Variants in POLR1E observed in about 807,000 individuals in gnomAD.
POLR1E encodes the protein RNA polymerase I subunit E, also known as DNA-directed RNA polymerase I subunit RPA49.
In POLR1E, 37 loss-of-function variants were observed where a neutral mutation model predicts 50.9. The observed-to-expected ratio is 0.73, with a 90% CI of 0.56 to 0.96. The LOEUF is 0.96. Ranked by LOEUF, POLR1E falls within the 40% of genes least tolerant of loss-of-function variation. POLR1E has a pLI of 0.00. For missense variants in POLR1E, 426 were observed against 518.1 expected, an observed-to-expected ratio of 0.82 and a Z score of 1.73; for synonymous variants, 166 against 191.6, an observed-to-expected ratio of 0.87 and a Z score of 1.10.
intron 11 of POLR1E, 24 bp from the exon 12 acceptor site, chr9:37,503,019 T>C (rs1241201950): frequency 1.3e-6 from 2 of 1,598,008 alleles, no homozygotes; most frequent in Non-Finnish European, 1.7e-6. Context: ...GTCTCTCCAG[T>C]TCTTCTGTTT....
At chr9:37,502,421 C>T (rs1274852139) in intron 11 of POLR1E, among the ~76,000 whole-genome samples, 2 of 152,232 alleles carry the variant, frequency 1.3e-5, no homozygotes, top group Non-Finnish European at 2.9e-5. Flanking sequence ...TCTGACCCAA[C>T]TGGGAGAGCT....
intron 9 of POLR1E, 74 bp from the exon 10 acceptor site, chr9:37,500,766 T>G: frequency 7.8e-7 from 1 of 1,280,566 alleles, no homozygotes; most frequent in Non-Finnish European, 1.1e-6. Flanking sequence ...TGTTGGCCTT[T>G]TCTCTTAGCT....
chr9:37,503,527 AT>A lies in POLR1E; in HGVS notation c.*326del. The A allele has an allele frequency of 5.2e-6, 1 of 193,676 alleles. No homozygotes were observed. The highest frequency in any genetic ancestry group is 1.1e-5 in the Non-Finnish European group (1 of 94,290). 12.0% of individuals were successfully genotyped at this position (193,676 alleles called of 1,614,324 possible). A position where few individuals can be genotyped will look rare whatever the true frequency, so the allele number is the denominator to read the frequency against. On this transcript the variant is annotated 3_prime_UTR_variant, in exon 12 of 12. Coordinates refer to ENST00000377798, the MANE Select transcript of POLR1E (RefSeq NM_022490.4). ...TGGGAAATCAAGGTTGCAGTGAGCT[AT>A]GATTGTGTGGCCACACTCCATCCTG...
At chr9:37,502,603 CCT>C (rs1820910149) in intron 11 of POLR1E, among the ~76,000 whole-genome samples, 2 of 152,314 alleles carry the variant, frequency 1.3e-5, no homozygotes, top group South Asian at 4.1e-4. Context: ...TGTGAACACA[CCT>C]CTGTCTGGAC....
intron 6 of POLR1E, among the ~76,000 whole-genome samples, 179 bp from the exon 7 acceptor site, chr9:37,494,990 A>G (rs529804785): frequency 6.6e-6 from 1 of 152,274 alleles, no homozygotes; most frequent in Non-Finnish European, 1.5e-5. Context: ...GTGTTTGTTC[A>G]TGAGTGAACA....
intron 3 of POLR1E, 33 bp from the exon 4 acceptor site, chr9:37,489,282 C>A (rs760476055): frequency 6.9e-7 from 1 of 1,446,966 alleles, no homozygotes; most frequent in Non-Finnish European, 9.5e-7. Flanking sequence ...TTGAATAATC[C>A]ATTGTTATTT....
chr9:37,488,054 A>G, intron 3 of POLR1E, 115 bp downstream of exon 3: 1 of 978,778 alleles, frequency 1.0e-6, no homozygotes, highest in Non-Finnish European at 1.6e-6. Context: ...AGAGAGGTTT[A>G]CTAGGTGATC....
rs956609425 is a variant in POLR1E, at chr9:37,503,605, C to G, written c.*403C>G. The G allele has an allele frequency of 1.9e-5, 3 of 155,852 alleles. No individual in the cohort carries two copies. Among genetic ancestry groups the G allele is most frequent in the African/African-American group, 7.2e-5 (3 of 41,532 alleles). The allele number at this position is 155,852 out of a possible 1,614,324, so 9.7% of individuals were successfully genotyped here. A position where few individuals can be genotyped will look rare whatever the true frequency, so the allele number is the denominator to read the frequency against. On this transcript the variant is annotated 3_prime_UTR_variant, in exon 12 of 12. Transcript: ENST00000377798. ...AAAAGTAACATAAGGAAAAAAGAAG[C>G]CTTGCTTTAGCACAGGTATGAAGCC...
intron 4 of POLR1E, chr9:37,490,844 C>G (rs1251904239): frequency 5.2e-6 from 3 of 574,912 alleles, no homozygotes; most frequent in Admixed American, 4.0e-5. Context: ...TCTAAAAGGT[C>G]TAGAGAACAT....
At chr9:37,491,042 C>A (rs773587787) in intron 4 of POLR1E, 92 of 244,986 alleles carry the variant, frequency 3.8e-4, no homozygotes, top group Non-Finnish European at 6.2e-4. Context: ...ACGTTGAGGA[C>A]AAGTCTCTAC....
chr9:37,501,683 G>C, intron 10 of POLR1E, 30 bp from the exon 11 acceptor site: 2 of 1,599,978 alleles, frequency 1.3e-6, no homozygotes, highest in Non-Finnish European at 8.5e-7. Context: ...GTTTAATTTT[G>C]TTTCTCCTTT....
chr9:37,498,011 TC>T, intron 8 of POLR1E, 79 bp from the exon 9 acceptor site: 1 of 1,509,056 alleles, frequency 6.6e-7, no homozygotes, highest in Non-Finnish European at 9.0e-7. Flanking sequence ...CGCCTGCTGT[TC>T]TCGTTGTAAG....
rs145529060 is a variant in POLR1E at position 37,488,031 on chromosome 9, GC to G, written c.257+93del. ...CTGTTTCCTGTCTGTTTTAAGGGTA[GC>G]AGGAGCCATCTAGAGAGGTTTACTA... On this transcript the variant is annotated intron_variant, in intron 3 of 11. Transcript: ENST00000377798. The G allele has an allele frequency of 6.8e-4, 895 of 1,315,846 alleles. 7 individuals carry two copies. The East Asian group carries it at 0.019, about 28-fold the overall frequency. 81.5% of individuals were successfully genotyped at this position (1,315,846 alleles called of 1,614,324 possible). A position where few individuals can be genotyped will look rare whatever the true frequency, so the allele number is the denominator to read the frequency against.
chr9:37,503,324 TC>T lies in POLR1E; in HGVS notation c.*125del. 1 of 1,259,796 alleles carries T rather than the reference TC, an allele frequency of 7.9e-7. No homozygotes were observed. The highest frequency in any genetic ancestry group is 1.1e-6 in the Non-Finnish European group (1 of 944,520). 78.0% of individuals were successfully genotyped at this position (1,259,796 alleles called of 1,614,324 possible). On this transcript the variant is annotated 3_prime_UTR_variant, in exon 12 of 12. Transcript: ENST00000377798. Reference sequence around the variant, plus strand: ...CGGGGATGGTGGCTCACACCTGAAATCCCAGCACTTTGGGAGGCCGAGGCAG... The same window carrying T: ...CGGGGATGGTGGCTCACACCTGAAATCCAGCACTTTGGGAGGCCGAGGCAG...
chr9:37,501,596 G>C, intron 10 of POLR1E, 117 bp from the exon 11 acceptor site: 1 of 1,292,398 alleles, frequency 7.7e-7, no homozygotes, highest in Non-Finnish European at 1.1e-6. Flanking sequence ...TTCCTTTCCT[G>C]AAGTTGGGAA....
intron 1 of POLR1E, 66 bp from the exon 2 acceptor site, chr9:37,486,637 C>T (rs932035232): frequency 2.5e-5 from 40 of 1,614,088 alleles, no homozygotes; most frequent in Middle Eastern, 1.6e-4. Flanking sequence ...CTAGTCCCAC[C>T]GTACATTGTG....
At chr9:37,501,943 G>A in intron 11 of POLR1E, 99 bp downstream of exon 11, 1 of 1,305,480 alleles carries the variant, frequency 7.7e-7, no homozygotes, top group Non-Finnish European at 1.0e-6. Context: ...AACTGAGGAT[G>A]TTTAAATGTG....
At position 37,503,030 on chromosome 9, in the gene POLR1E, A is replaced by C; in HGVS notation, c.1101-13A>C. On this transcript the variant is annotated splice_polypyrimidine_tract_variant and intron_variant, in intron 11 of 11. Transcript: ENST00000377798. ...AGGGGTCTCTCCAGTTCTTCTGTTT[A>C]TGTCTTCCTTAGGATGATGGAGATA... 2 of 1,604,396 alleles carry C rather than the reference A, an allele frequency of 1.2e-6. No homozygotes were observed. The highest frequency in any genetic ancestry group is 1.1e-5 in the South Asian group (1 of 89,666).
Position 37,486,781 on chromosome 9 carries a change from C to G in POLR1E, c.155C>G (p.Pro52Arg). ...TATGAGAACAAAGATTCCACCAACC[C>G]CAGGAAGAGGAATCAACGGATCCTG... Reference protein sequence around the residue: ...TLYENKDSTNPRKRNQRILAA... With the variant: ...TLYENKDSTNRRKRNQRILAA... Residue 52 changes from proline (P) to arginine (R), a missense_variant, in exon 2 of 12, where the codon CCC becomes CGC. Physicochemically the swap from Pro to Arg is moderately radical, Grantham distance 103. Transcript: ENST00000377798. The G allele has an allele frequency of 6.2e-7, 1 of 1,613,174 alleles. No homozygotes were observed. Among genetic ancestry groups the G allele is most frequent in the East Asian group, 2.2e-5 (1 of 44,880 alleles).
Sources: allele counts gnomAD v4.1 joint callset (sites outside exome capture counted in the v4.1 genomes callset), GRCh38; gene constraint gnomAD v4.1.1; transcripts MANE v1.5; gene names NCBI Gene and HGNC (gene_info 2026-07-23, HGNC 2026-07-21).